Variants in TAF1A observed in about 807,000 individuals in gnomAD.
The protein encoded by TAF1A is TATA box-binding protein-associated factor RNA polymerase I subunit A.
In TAF1A, 42 loss-of-function variants were observed where a neutral mutation model predicts 61.6. The ratio of observed to expected loss-of-function variants is 0.68; its 90% CI spans 0.53 to 0.88. The LOEUF (loss-of-function observed/expected upper bound fraction) is 0.88. TAF1A is among the 40% of genes least tolerant of loss of function. TAF1A has a pLI of 0.00. For missense variants in TAF1A, 424 were observed against 518.7 expected (o/e 0.82, Z 1.77); for synonymous variants, 179 against 177.7 (o/e 1.01, Z -0.06).
chr1:222,577,865 A>G (rs1258222464), intron 4 of TAF1A, among the ~76,000 whole-genome samples: 1 of 152,192 alleles, frequency 6.6e-6, no homozygotes, highest in Non-Finnish European at 1.5e-5. Flanking sequence ...TTACAAACAA[A>G]AGACAGTGTG....
In TAF1A at chr1:222,578,990, T is replaced by G. The variant is rs1660682457; in HGVS notation, c.405+769A>C. 2.0e-5 allele frequency among the ~76,000 whole-genome samples: 3 copies of G among 152,108 alleles called. No homozygotes were observed. In the South Asian group the frequency reaches 6.2e-4, roughly 32 times the overall value. ...CTAACCAACAGTTTACTCTTCACACTCCCTCCCTAATTAAATGGCTATCCA... is the reference window on the plus strand; with the variant it reads ...CTAACCAACAGTTTACTCTTCACACGCCCTCCCTAATTAAATGGCTATCCA... On this transcript the variant is annotated intron_variant, in intron 4 of 10. Transcript: ENST00000352967.
intron 5 of TAF1A, among the ~76,000 whole-genome samples, chr1:222,573,866 A>G (rs1030270649): frequency 6.6e-6 from 1 of 152,240 alleles, no homozygotes; most frequent in Non-Finnish European, 1.5e-5. Flanking sequence ...TCAACTGATG[A>G]ATGGATACCT....
chr1:222,572,954 C>T (rs368477659), intron 5 of TAF1A, among the ~76,000 whole-genome samples: 32 of 152,250 alleles, frequency 2.1e-4, no homozygotes, highest in East Asian at 1.3e-3. Context: ...CACTTTTATG[C>T]TTCAAAGGAC....
At chr1:222,584,424 G>T in intron 2 of TAF1A, 127 bp from the exon 3 acceptor site, 1 of 735,524 alleles carries the variant, frequency 1.4e-6, no homozygotes, top group Non-Finnish European at 2.1e-6. Flanking sequence ...CCCATTCCCA[G>T]TACCAAAGCC....
downstream of TAF1A, among the ~76,000 whole-genome samples, chr1:222,556,184 T>C (rs1364089514): frequency 6.6e-6 from 1 of 152,186 alleles, no homozygotes; most frequent in African/African-American, 2.4e-5. Flanking sequence ...TTAAGGAATG[T>C]AGTGACTCAG....
At chr1:222,588,626 G>T (rs1274995192) in intron 1 of TAF1A, 61 bp from the exon 2 acceptor site, 7 of 1,532,666 alleles carry the variant, frequency 4.6e-6, no homozygotes, top group South Asian at 2.5e-5. Context: ...CTTCTGAGTT[G>T]TACAGAAAAA....
At chr1:222,583,901 A>AG (rs1000894698) in intron 3 of TAF1A, among the ~76,000 whole-genome samples, 22 of 151,962 alleles carry the variant, frequency 1.4e-4, no homozygotes, top group South Asian at 6.2e-4. Flanking sequence ...ATCCATAAAG[A>AG]GGGGGGAAAA....
At chr1:222,571,156 C>A (rs1199883472) in intron 5 of TAF1A, among the ~76,000 whole-genome samples, 1 of 152,024 alleles carries the variant, frequency 6.6e-6, no homozygotes, top group Non-Finnish European at 1.5e-5. Context: ...ACAATAGACA[C>A]AGAAAAAGCA....
Position 222,589,845 on chromosome 1 carries a change from G to A in TAF1A, c.-121C>T, listed in dbSNP as rs949335192. Reference sequence around the variant, plus strand: ...CTTTATATGAGCAGGCGCTAAACCTGGTTTAGGTATTTAGGCAGCGCGCGG... The same window carrying A: ...CTTTATATGAGCAGGCGCTAAACCTAGTTTAGGTATTTAGGCAGCGCGCGG... On this transcript the variant is annotated 5_prime_UTR_variant, in exon 1 of 11. Transcript: ENST00000352967. 3.1e-5 allele frequency: 12 copies of A among 389,774 alleles called. No homozygotes were observed. In the South Asian group the frequency reaches 4.3e-4, roughly 14 times the overall value. 24.1% of individuals were successfully genotyped at this position (389,774 alleles called of 1,614,324 possible).
At chr1:222,573,883 T>C (rs1407732276) in intron 5 of TAF1A, among the ~76,000 whole-genome samples, 4 of 152,012 alleles carry the variant, frequency 2.6e-5, no homozygotes, top group Admixed American at 6.6e-5. Flanking sequence ...ACCTAAGATA[T>C]AGTATATACA....
intron 1 of TAF1A, among the ~76,000 whole-genome samples, chr1:222,589,373 C>A (rs188955794): frequency 2.1e-4 from 32 of 152,324 alleles, no homozygotes; most frequent in South Asian, 4.1e-4. Flanking sequence ...GCTTTCTAAA[C>A]AATTACCCTG....
chr1:222,557,413 G>A (rs1292959505), downstream of TAF1A, among the ~76,000 whole-genome samples: 2 of 152,030 alleles, frequency 1.3e-5, no homozygotes. Context: ...GTCAAATACC[G>A]CTGCATCCTC....
At chr1:222,569,224 A>C in intron 7 of TAF1A, 1 of 1,222,238 alleles carries the variant, frequency 8.2e-7, no homozygotes, top group Non-Finnish European at 1.0e-6. Context: ...CTGAAAACTA[A>C]ATTTCAATAA....
At chr1:222,567,773 T>C (rs1396720981) in intron 7 of TAF1A, among the ~76,000 whole-genome samples, 2 of 152,148 alleles carry the variant, frequency 1.3e-5, no homozygotes, top group African/African-American at 2.4e-5. Context: ...AAAAGCAATT[T>C]TGAAAAAGAA....
chr1:222,563,300 C>A lies in TAF1A; in HGVS notation c.962-4G>T, dbSNP rs748718877. On this transcript the variant is annotated splice_region_variant and splice_polypyrimidine_tract_variant and intron_variant, in intron 8 of 10. Transcript: ENST00000352967. Reference sequence around the variant, plus strand: ...AGTTTACGGTGTTCTTCTTTTTCTGCAATGGTTTTAACAGTTCAAGTTTAC... The same window carrying A: ...AGTTTACGGTGTTCTTCTTTTTCTGAAATGGTTTTAACAGTTCAAGTTTAC... The A allele has an allele frequency of 6.2e-7, 1 of 1,611,614 alleles. No homozygotes were observed. Among genetic ancestry groups the A allele is most frequent in the Non-Finnish European group, 8.5e-7 (1 of 1,179,120 alleles).
Position 222,570,604 on chromosome 1 carries a change from T to A in TAF1A, c.666A>T (p.Thr222=). 2 of 1,613,270 alleles carry A rather than the reference T, an allele frequency of 1.2e-6. No individual in the cohort carries two copies. The highest frequency in any genetic ancestry group is 3.3e-5 in the Admixed American group (2 of 60,020). The change falls in exon 6 of 11, where the codon ACA becomes ACT. Residue 222 remains threonine (T), a synonymous_variant. Coordinates refer to ENST00000352967, the MANE Select transcript of TAF1A (RefSeq NM_005681.4). ...TAATCAATGCAGAAATATTTGCAGA[T>A]GTCTTCCAGCTGTGGTTGAACACAT... ...AQDVFNHSWK[T]SANISALIKI... is the part of the protein sequence containing the mutation.
chr1:222,589,876 C>A lies in TAF1A; in HGVS notation c.-152G>T, dbSNP rs575138259. 135 of 395,814 alleles carry A rather than the reference C, an allele frequency of 3.4e-4. No homozygotes were observed. Among genetic ancestry groups the A allele is most frequent in the Non-Finnish European group, 4.7e-4 (106 of 224,904 alleles). 24.5% of individuals were successfully genotyped at this position (395,814 alleles called of 1,614,324 possible). The stretch of plus-strand genomic sequence containing the variant: ...GGTATTTAGGCAGCGCGCGGCCCGG[C>A]TCGTAACTCCTCCTGCTGCAGCAGG... On this transcript the variant is annotated 5_prime_UTR_variant, in exon 1 of 11. Coordinates refer to ENST00000352967, the MANE Select transcript of TAF1A (RefSeq NM_005681.4).
rs3828060 is a variant in TAF1A, at chr1:222,577,660, G to A, written c.406-17C>T. ...TAAGGAGATCTGCAAAAATAATAAG[G>A]GTACACCGCCATTTAAGCCATTAGA... On this transcript the variant is annotated splice_polypyrimidine_tract_variant and intron_variant, in intron 4 of 10. Coordinates refer to ENST00000352967, the MANE Select transcript of TAF1A (RefSeq NM_005681.4). The A allele has an allele frequency of 1.8e-3, 2,961 of 1,608,286 alleles. 79 individuals carry two copies. In the East Asian group the frequency reaches 0.047, roughly 25 times the overall value.
chr1:222,572,625 G>A (rs1466646390), intron 5 of TAF1A, among the ~76,000 whole-genome samples: 2 of 152,172 alleles, frequency 1.3e-5, no homozygotes, highest in Non-Finnish European at 2.9e-5. Context: ...CTCCCAAAGT[G>A]CTAGGATTAC....
Sources: gnomAD v4.1 joint callset for allele counts (sites outside exome capture counted in the v4.1 genomes callset) on GRCh38, gnomAD v4.1.1 for gene constraint, MANE v1.5 for transcripts, NCBI Gene and HGNC (gene_info 2026-07-23, HGNC 2026-07-21) for gene names.